C7: variants seen among roughly 807,000 people sequenced by gnomAD.
C7 encodes complement component C7.
A neutral mutation model predicts 104.8 loss-of-function variants in C7; 83 were observed. The observed-to-expected ratio is 0.79, with a 90% confidence interval of 0.66 to 0.95. The LOEUF (loss-of-function observed/expected upper bound fraction) is 0.95. Ranked by LOEUF, C7 falls within the 40% of genes least tolerant of loss-of-function variation. The pLI is 0.00. For synonymous variants in C7, 415 were observed against 360.6 expected (o/e 1.15, Z -1.71); for missense variants, 1,070 against 1,011.2 (o/e 1.06, Z -0.79).
At chr5:40,962,558 C>T (rs1351812230) in intron 13 of C7, among the ~76,000 whole-genome samples, 1 of 152,044 alleles carries the variant, frequency 6.6e-6, no homozygotes, top group Non-Finnish European at 1.5e-5. Flanking sequence ...AACTGTAGGC[C>T]CTGGGATGAA....
In C7 at chr5:40,982,561, G is replaced by A. The variant is rs1740973815; in HGVS notation, c.*988G>A. 1 of 152,342 alleles carries A rather than the reference G, an allele frequency of 6.6e-6. No homozygotes were observed. Among genetic ancestry groups the A allele is most frequent in the Non-Finnish European group, 1.5e-5 (1 of 68,046 alleles). 9.4% of individuals were successfully genotyped at this position (152,342 alleles called of 1,614,324 possible). A position where few individuals can be genotyped will look rare whatever the true frequency, so the allele number is the denominator to read the frequency against. ...AATACAATTCAGTCTTCTCTTTGGG[G>A]TTTTAGTATGTGTCAAACATAGGAC... is the stretch of plus-strand genomic sequence containing the variant. On this transcript the variant is annotated 3_prime_UTR_variant, in exon 18 of 18. Coordinates refer to ENST00000313164, the MANE Select transcript of C7 (RefSeq NM_000587.4).
At chr5:40,954,971 T>C (rs1196229396) in intron 9 of C7, 3 of 234,130 alleles carry the variant, frequency 1.3e-5, no homozygotes, top group African/African-American at 2.4e-5. Context: ...CACAGCACAA[T>C]TGAGTGCAAA....
chr5:40,979,127 G>A (rs1246541609), intron 16 of C7, among the ~76,000 whole-genome samples: 2 of 151,928 alleles, frequency 1.3e-5, no homozygotes, highest in Non-Finnish European at 2.9e-5. Flanking sequence ...TGATCCACCT[G>A]CGTTGGCCTC....
intron 6 of C7, among the ~76,000 whole-genome samples, chr5:40,941,062 C>CT (rs35003828): frequency 0.34 from 46,656 of 138,812 alleles, 7,779 homozygotes; most frequent in South Asian, 0.39. Flanking sequence ...AGGAACACTT[C>CT]TTTTTTTTTT....
At position 40,972,536 on chromosome 5, in the gene C7, C is replaced by G. The variant is rs781517407; in HGVS notation, c.2016C>G (p.Leu672=). 8.1e-6 allele frequency: 13 copies of G among 1,613,366 alleles called. No individual in the cohort carries two copies. Among genetic ancestry groups the G allele is most frequent in the South Asian group, 1.1e-5 (1 of 90,978 alleles). The change falls in exon 15 of 18, where the codon CTC becomes CTG. Residue 672 remains leucine, a synonymous_variant. Coordinates refer to ENST00000313164, the MANE Select transcript of C7 (RefSeq NM_000587.4). ...CCTTAGAAGGTCCTTCAGCATTTCT[C>G]TGTGGCTCCAGCCTTAAGTGGAGTC... ...GMSLEGPSAF[L]CGSSLKWSPE... is the part of the protein sequence containing the mutation.
At position 40,922,374 on chromosome 5, in the gene C7, C is replaced by CAAAAAA. The variant is rs869109946; in HGVS notation, c.7-6184_7-6179dup. On this transcript the variant is annotated intron_variant, in intron 1 of 17. Transcript: ENST00000313164. ...TGGGCAACAGAGTGAGACTCTGTCT[C>CAAAAAA]AAAAAAAAAAAAAAAAAAAAAAAAA... Among the ~76,000 whole-genome samples the CAAAAAA allele has an allele frequency of 7.4e-4, 32 of 43,076 alleles. 1 individual carries two copies. The highest frequency in any genetic ancestry group is 2.0e-3 in the African/African-American group (30 of 15,074). The allele number at this position is 43,076 out of a possible 152,430, so 28.3% of individuals were successfully genotyped here.
intron 10 of C7, among the ~76,000 whole-genome samples, chr5:40,956,444 C>T (rs574657423): frequency 5.3e-5 from 8 of 152,274 alleles, no homozygotes; most frequent in East Asian, 1.9e-4. Flanking sequence ...AACGCACATG[C>T]GTATGCATGA....
rs766922209 is a variant in C7 at position 40,979,704 on chromosome 5, G to A, written c.2166-21G>A. 3.8e-6 allele frequency: 6 copies of A among 1,590,160 alleles called. No homozygotes were observed. The South Asian group carries it at 4.5e-5, about 12-fold the overall frequency. Reference sequence around the variant, plus strand: ...TACGAACAAAAATCTTGTAAATAATGTCATTAAAAATTCTTTTCAGACCTT... The same window carrying A: ...TACGAACAAAAATCTTGTAAATAATATCATTAAAAATTCTTTTCAGACCTT... On this transcript the variant is annotated intron_variant, in intron 16 of 17. Transcript: ENST00000313164.
At chr5:40,946,878 T>G (rs1219827438) in intron 7 of C7, among the ~76,000 whole-genome samples, 1 of 151,774 alleles carries the variant, frequency 6.6e-6, no homozygotes, top group African/African-American at 2.4e-5. Context: ...GCCAACATGA[T>G]GAAACCCTAC....
chr5:40,930,212 T>C (rs920003666), intron 2 of C7, among the ~76,000 whole-genome samples: 1 of 149,650 alleles, frequency 6.7e-6, no homozygotes, highest in African/African-American at 2.5e-5. Context: ...CTCTTTTTTT[T>C]TTTTTTTTTT....
intron 11 of C7, among the ~76,000 whole-genome samples, chr5:40,959,140 A>G (rs574547861): frequency 6.6e-6 from 1 of 152,264 alleles, no homozygotes; most frequent in South Asian, 2.1e-4. Context: ...TTTCCTGCCC[A>G]CCTCCATTCA....
intron 10 of C7, among the ~76,000 whole-genome samples, chr5:40,957,108 G>C (rs1740304420): frequency 6.6e-6 from 1 of 152,202 alleles, no homozygotes; most frequent in Admixed American, 6.5e-5. Context: ...GGAACCAATG[G>C]TGCATATCTC....
At chr5:40,970,453 G>A (rs1554044245) in intron 14 of C7, among the ~76,000 whole-genome samples, 1 of 152,094 alleles carries the variant, frequency 6.6e-6, no homozygotes, top group Non-Finnish European at 1.5e-5. Flanking sequence ...GAATACAGAT[G>A]AAAAGTCAGG....
chr5:40,956,738 C>A (rs1740298414), intron 10 of C7, among the ~76,000 whole-genome samples: 1 of 152,212 alleles, frequency 6.6e-6, no homozygotes, highest in Non-Finnish European at 1.5e-5. Flanking sequence ...GTCCTCAAGT[C>A]CCCTCCTAAC....
At chr5:40,945,104 C>A in intron 6 of C7, 94 bp from the exon 7 acceptor site, 1 of 682,936 alleles carries the variant, frequency 1.5e-6, no homozygotes. Flanking sequence ...CAATGAAGAG[C>A]TTTTCTCTTT....
intron 6 of C7, among the ~76,000 whole-genome samples, chr5:40,940,757 C>T (rs1404457915): frequency 6.6e-6 from 1 of 151,994 alleles, no homozygotes; most frequent in Non-Finnish European, 1.5e-5. Flanking sequence ...ACCTATTTTC[C>T]TTATAATAAC....
At chr5:40,910,975 TA>T (rs1739195744) in intron 1 of C7, 1 of 152,190 alleles carries the variant, frequency 6.6e-6, no homozygotes, top group Non-Finnish European at 1.5e-5. Context: ...TATAATATTT[TA>T]CTGCTGTAAT....
rs373829093 is a variant in C7, at chr5:40,970,102, G to A, written c.1883-2301G>A. Among the ~76,000 whole-genome samples, 8 of 152,124 alleles carry A rather than the reference G, an allele frequency of 5.3e-5. No homozygotes were observed. In the South Asian group the frequency reaches 1.5e-3, roughly 28 times the overall value. On this transcript the variant is annotated intron_variant, in intron 14 of 17. Transcript: ENST00000313164. The stretch of plus-strand genomic sequence containing the variant: ...TGCACAACATATTTGGCAAAATATA[G>A]GCATTCAAAAAGTGCTGTGGATTTT...
At chr5:40,970,716 CTCGCATGCATT>C (rs2111704422) in intron 14 of C7, among the ~76,000 whole-genome samples, 1 of 152,104 alleles carries the variant, frequency 6.6e-6, no homozygotes, top group South Asian at 2.1e-4. Flanking sequence ...GGTTTTAAGC[CTCGCATGCATT>C]AGGTATTTTT....
Sources: allele counts gnomAD v4.1 joint callset (sites outside exome capture counted in the v4.1 genomes callset), GRCh38; gene constraint gnomAD v4.1.1; transcripts MANE v1.5; gene names NCBI Gene and HGNC (gene_info 2026-07-23, HGNC 2026-07-21).